MARCKS: variants seen among roughly 807,000 people sequenced by gnomAD.
The protein encoded by MARCKS is myristoylated alanine rich protein kinase C substrate.
Under a neutral mutation model 6.3 loss-of-function variants are expected in MARCKS, and 4 were observed. That is an observed-to-expected ratio of 0.63 (90% CI 0.31 to 1.45). The LOEUF is 1.45. Among genes scored for constraint, MARCKS ranks in the 40% most tolerant of loss-of-function variants. MARCKS has a pLI of 0.07. For synonymous variants in MARCKS, 289 were observed against 236.5 expected, an observed-to-expected ratio of 1.22 and a Z score of -2.04; for missense variants, 636 against 485.7, an observed-to-expected ratio of 1.31 and a Z score of -2.91.
Position 113,862,104 on chromosome 6 carries a change from T to C in MARCKS, c.*1525T>C, listed in dbSNP as rs1184030885. On this transcript the variant is annotated 3_prime_UTR_variant, in exon 2 of 2. Transcript: ENST00000612661. ...TAAATCATTTACAACAAAAGGGGTG[T>C]GAACCTAAGACTATTTAAATGTCTT... 4 of 152,178 alleles carry C rather than the reference T, an allele frequency of 2.6e-5. No homozygotes were observed. The highest frequency in any genetic ancestry group is 2.6e-4 in the Admixed American group (4 of 15,272). The allele number at this position is 152,178 out of a possible 1,614,324, so 9.4% of individuals were successfully genotyped here.
rs772900155 is a variant in MARCKS, at chr6:113,859,994, C to G, written c.414C>G (p.Ala138=). The change falls in exon 2 of 2, where the codon GCC becomes GCG. Residue 138 remains alanine (A), a synonymous_variant. Coordinates refer to ENST00000612661, the MANE Select transcript of MARCKS (RefSeq NM_002356.7). The part of the protein sequence containing the change: ...SAASSTSSPK[A]EDGATPSPSN... ...CCTCCTCGACTTCTTCGCCCAAGGC[C>G]GAGGACGGGGCCACGCCCTCGCCCA... The G allele has an allele frequency of 4.4e-5, 68 of 1,558,902 alleles. No individual in the cohort carries two copies. The highest frequency in any genetic ancestry group is 5.7e-5 in the South Asian group (5 of 88,042).
rs1452713281 is a variant in MARCKS at position 113,859,881 on chromosome 6, A to G, written c.301A>G (p.Ser101Gly). 1.4e-6 allele frequency: 2 copies of G among 1,412,704 alleles called. No homozygotes were observed. The highest frequency in any genetic ancestry group is 1.5e-5 in the African/African-American group (1 of 65,544). 87.5% of individuals were successfully genotyped at this position (1,412,704 alleles called of 1,614,324 possible). A position where few individuals can be genotyped will look rare whatever the true frequency, so the allele number is the denominator to read the frequency against. ...AAAAAPEAGA[S>G]PVEKEAPAEG... ...CGCCGCTGCCCCCGAGGCCGGGGCCAGCCCGGTAGAGAAGGAGGCCCCCGC... is the reference window on the plus strand; with the variant it reads ...CGCCGCTGCCCCCGAGGCCGGGGCCGGCCCGGTAGAGAAGGAGGCCCCCGC... Residue 101 changes from serine (S) to glycine (G), a missense_variant, in exon 2 of 2, where the codon AGC becomes GGC. Coordinates refer to ENST00000612661, the MANE Select transcript of MARCKS (RefSeq NM_002356.7).
chr6:113,859,377 G>A (rs2114520724), intron 1 of MARCKS, among the ~76,000 whole-genome samples: 1 of 152,342 alleles, frequency 6.6e-6, no homozygotes, highest in East Asian at 1.9e-4. Flanking sequence ...GGCATGGTTA[G>A]CCTTTGCTTG....
In MARCKS at chr6:113,862,526, C is replaced by T. The variant is rs1424466536; in HGVS notation, c.*1947C>T. On this transcript the variant is annotated 3_prime_UTR_variant, in exon 2 of 2. Transcript: ENST00000612661. ...AATCTTTACTAGTTTACCTCCTCTG[C>T]TCTTTGCCACCCGATAACTGGATAT... 6.6e-6 allele frequency: 1 copy of T among 151,352 alleles called. No homozygotes were observed. Among genetic ancestry groups the T allele is most frequent in the Non-Finnish European group, 1.5e-5 (1 of 67,880 alleles). 9.4% of individuals were successfully genotyped at this position (151,352 alleles called of 1,614,324 possible).
chr6:113,857,499 A>C lies in MARCKS; in HGVS notation c.-247A>C. ...TCCTTTTTTTGTGCTCGACTTTTCC[A>C]CCCTTTTTCCCTCCCTCCTGTGCTG... On this transcript the variant is annotated 5_prime_UTR_variant, in exon 1 of 2. Transcript: ENST00000612661. The C allele has an allele frequency of 2.2e-6, 1 of 458,672 alleles. No homozygotes were observed. Among genetic ancestry groups the C allele is most frequent in the Non-Finnish European group, 3.8e-6 (1 of 260,574 alleles). 28.4% of individuals were successfully genotyped at this position (458,672 alleles called of 1,614,324 possible).
rs1161751245 is a variant in MARCKS, at chr6:113,857,561, C to T, written c.-185C>T. On this transcript the variant is annotated 5_prime_UTR_variant, in exon 1 of 2. Transcript: ENST00000612661. ...TCTCTTCGACTAAAATTTTTTTATCCGGAGTGTATTTAATCGGTTCTGTTC... is the reference window on the plus strand; with the variant it reads ...TCTCTTCGACTAAAATTTTTTTATCTGGAGTGTATTTAATCGGTTCTGTTC... The T allele has an allele frequency of 3.6e-6, 2 of 556,770 alleles. No individual in the cohort carries two copies. Among genetic ancestry groups the T allele is most frequent in the South Asian group, 2.0e-5 (1 of 50,530 alleles). The allele number at this position is 556,770 out of a possible 1,614,324, so 34.5% of individuals were successfully genotyped here. A position where few individuals can be genotyped will look rare whatever the true frequency, so the allele number is the denominator to read the frequency against.
rs1312246618 is a variant in MARCKS, at chr6:113,860,269, C to T, written c.689C>T (p.Ala230Val). The T allele has an allele frequency of 7.7e-6, 9 of 1,176,130 alleles. No homozygotes were observed. Among genetic ancestry groups the T allele is most frequent in the Middle Eastern group, 3.8e-4 (1 of 2,622 alleles). The allele number at this position is 1,176,130 out of a possible 1,614,324, so 72.9% of individuals were successfully genotyped here. ...EEAAAGEEGA[A>V]GGDPQEAKPQ... ...GCGGCAGCGGGCGAGGAGGGGGCGG[C>T]GGGTGGCGACCCGCAGGAGGCCAAG... is the stretch of plus-strand genomic sequence containing the variant. Residue 230 changes from alanine (A) to valine (V), a missense_variant, in exon 2 of 2, where the codon GCG (alanine) becomes GTG (valine). Ala to Val is a moderately conservative substitution (Grantham distance 64). Transcript: ENST00000612661.
chr6:113,860,279 C>A lies in MARCKS; in HGVS notation c.699C>A (p.Asp233Glu). Residue 233 changes from aspartate (D) to glutamate (E), a missense_variant, in exon 2 of 2, where the codon GAC becomes GAA. Coordinates refer to ENST00000612661, the MANE Select transcript of MARCKS (RefSeq NM_002356.7). ...AAGEEGAAGG[D>E]PQEAKPQEAA... ...GCGAGGAGGGGGCGGCGGGTGGCGA[C>A]CCGCAGGAGGCCAAGCCCCAGGAGG... is the stretch of plus-strand genomic sequence containing the variant. 8.2e-7 allele frequency: 1 copy of A among 1,215,218 alleles called. No individual in the cohort carries two copies. The highest frequency in any genetic ancestry group is 1.0e-6 in the Non-Finnish European group (1 of 955,826). 75.3% of individuals were successfully genotyped at this position (1,215,218 alleles called of 1,614,324 possible).
rs1421152493 is a variant in MARCKS, at chr6:113,861,072, G to A, written c.*493G>A. The stretch of plus-strand genomic sequence containing the variant: ...TGCCACTAGAAATGGTGTAAAGGCT[G>A]TCTTTTTTTTTTTTTTAAAAGAAAA... On this transcript the variant is annotated 3_prime_UTR_variant, in exon 2 of 2. Transcript: ENST00000612661. 1.1e-5 allele frequency: 1 copy of A among 89,012 alleles called. No homozygotes were observed. The highest frequency in any genetic ancestry group is 2.4e-5 in the Non-Finnish European group (1 of 41,920). The allele number at this position is 89,012 out of a possible 1,614,324, so 5.5% of individuals were successfully genotyped here. A position where few individuals can be genotyped will look rare whatever the true frequency, so the allele number is the denominator to read the frequency against.
Position 113,860,228 on chromosome 6 carries a change from G to A in MARCKS, c.648G>A (p.Ala216=), listed in dbSNP as rs1774869486. ...EAGAASGEQA[A]APGEEAAAGE... ...GCGCGGCCTCCGGGGAGCAGGCAGC[G>A]GCGCCGGGCGAGGAGGCGGCAGCGG... The change falls in exon 2 of 2, where the codon GCG becomes GCA. Residue 216 remains alanine, a synonymous_variant. Transcript: ENST00000612661. 11 of 1,074,596 alleles carry A rather than the reference G, an allele frequency of 1.0e-5. No individual in the cohort carries two copies. The highest frequency in any genetic ancestry group is 1.2e-5 in the Non-Finnish European group (11 of 883,504). The allele number at this position is 1,074,596 out of a possible 1,614,324, so 66.6% of individuals were successfully genotyped here.
rs988120249 is a variant in MARCKS at position 113,857,837 on chromosome 6, C to G, written c.92C>G (p.Ala31Gly). The G allele has an allele frequency of 1.2e-6, 2 of 1,600,422 alleles. No individual in the cohort carries two copies. Among genetic ancestry groups the G allele is most frequent in the Non-Finnish European group, 1.7e-6 (2 of 1,173,904 alleles). ...GCTGTGGCCTCGTCGCCTTCCAAAGCGAACGGACAGGTAAATTCTACCTGT... is the reference window on the plus strand; with the variant it reads ...GCTGTGGCCTCGTCGCCTTCCAAAGGGAACGGACAGGTAAATTCTACCTGT... ...EAAVASSPSK[A>G]NGQENGHVKV... Residue 31 changes from alanine (A) to glycine (G), a missense_variant, in exon 1 of 2, where the codon GCG becomes GGG. By Grantham distance (60) the Ala-to-Gly change is moderately conservative (BLOSUM62 0). Coordinates refer to ENST00000612661, the MANE Select transcript of MARCKS (RefSeq NM_002356.7).
chr6:113,858,785 T>G (rs999758871), intron 1 of MARCKS, among the ~76,000 whole-genome samples: 1 of 152,216 alleles, frequency 6.6e-6, no homozygotes, highest in African/African-American at 2.4e-5. Context: ...AAGCGAGGTC[T>G]GCCAAGAGGC....
intron 1 of MARCKS, among the ~76,000 whole-genome samples, chr6:113,858,302 A>G: frequency 6.8e-6 from 1 of 146,948 alleles, no homozygotes; most frequent in African/African-American, 2.6e-5. Context: ...CGCAATGGGG[A>G]TGGTGGTGGA....
chr6:113,860,017 C>T lies in MARCKS; in HGVS notation c.437C>T (p.Pro146Leu). Residue 146 changes from proline (P) to leucine (L), a missense_variant, in exon 2 of 2, where the codon CCC becomes CTC. Transcript: ENST00000612661. ...GCCGAGGACGGGGCCACGCCCTCGC[C>T]CAGCAACGAGACCCCGAAAAAAAAA... The part of the protein sequence containing the change: ...PKAEDGATPS[P>L]SNETPKKKKK... The T allele has an allele frequency of 6.4e-7, 1 of 1,570,274 alleles. No homozygotes were observed. Among genetic ancestry groups the T allele is most frequent in the Non-Finnish European group, 8.6e-7 (1 of 1,162,886 alleles).
rs1274792006 is a variant in MARCKS, at chr6:113,861,619, G to A, written c.*1040G>A. The A allele has an allele frequency of 1.3e-5, 2 of 152,572 alleles. No homozygotes were observed. The highest frequency in any genetic ancestry group is 6.5e-5 in the Admixed American group (1 of 15,288). The allele number at this position is 152,572 out of a possible 1,614,324, so 9.5% of individuals were successfully genotyped here. On this transcript the variant is annotated 3_prime_UTR_variant, in exon 2 of 2. Transcript: ENST00000612661. ...GAGAATAAAGGAAAAAAAATCTTCA[G>A]ATGCAATGGTTTTGTGTAGCATCTT...
rs998415102 is a variant in MARCKS at position 113,860,440 on chromosome 6, C to G, written c.860C>G (p.Pro287Arg). 2.5e-6 allele frequency: 3 copies of G among 1,189,286 alleles called. No individual in the cohort carries two copies. In the African/African-American group the frequency reaches 5.0e-5, roughly 20 times the overall value. 73.7% of individuals were successfully genotyped at this position (1,189,286 alleles called of 1,614,324 possible). A position where few individuals can be genotyped will look rare whatever the true frequency, so the allele number is the denominator to read the frequency against. Reference sequence around the variant, plus strand: ...TGCGAGGCCCCCTCCGCCGCCGGGCCCGGCGCGCCCCCGGAGCAGGAGGCA... The same window carrying G: ...TGCGAGGCCCCCTCCGCCGCCGGGCGCGGCGCGCCCCCGGAGCAGGAGGCA... ...AACEAPSAAG[P>R]GAPPEQEAAP... Residue 287 changes from proline to arginine, a missense_variant, in exon 2 of 2, where the codon CCC becomes CGC. Transcript: ENST00000612661.
rs3832411 is a variant in MARCKS at position 113,857,652 on chromosome 6, C to CGCT, written c.-81_-79dup. ...GTGCCGCTGCCGCTGTTGCCGCCGC[C>CGCT]GCTGCTGCTGCTGCTCGCCCCGTCG... On this transcript the variant is annotated 5_prime_UTR_variant, in exon 1 of 2. Coordinates refer to ENST00000612661, the MANE Select transcript of MARCKS (RefSeq NM_002356.7). 3.4e-5 allele frequency: 23 copies of CGCT among 684,460 alleles called. No individual in the cohort carries two copies. In the Middle Eastern group the frequency reaches 1.3e-3, roughly 39 times the overall value. 42.4% of individuals were successfully genotyped at this position (684,460 alleles called of 1,614,324 possible).
chr6:113,860,621 C>A lies in MARCKS; in HGVS notation c.*42C>A. The stretch of plus-strand genomic sequence containing the variant: ...GAGATAATCGAAGAACTTTTCTCCC[C>A]CGTTTGTTTGTTGGAGTGGTGCCAG... On this transcript the variant is annotated 3_prime_UTR_variant, in exon 2 of 2. Transcript: ENST00000612661. 1 of 1,450,684 alleles carries A rather than the reference C, an allele frequency of 6.9e-7. No homozygotes were observed. Among genetic ancestry groups the A allele is most frequent in the South Asian group, 1.4e-5 (1 of 72,362 alleles). 89.9% of individuals were successfully genotyped at this position (1,450,684 alleles called of 1,614,324 possible).
chr6:113,859,916 G>T lies in MARCKS; in HGVS notation c.336G>T (p.Glu112Asp). The T allele has an allele frequency of 2.1e-6, 3 of 1,459,468 alleles. No individual in the cohort carries two copies. The African/African-American group carries it at 4.4e-5, about 22-fold the overall frequency. The allele number at this position is 1,459,468 out of a possible 1,614,324, so 90.4% of individuals were successfully genotyped here. ...AGAAGGAGGCCCCCGCGGAAGGCGA[G>T]GCTGCCGAGCCCGGCTCGCCCACGG... ...PVEKEAPAEG[E>D]AAEPGSPTAA... Residue 112 changes from glutamate to aspartate, a missense_variant, in exon 2 of 2, where the codon GAG becomes GAT. Physicochemically the swap from Glu to Asp is conservative, Grantham distance 45. Coordinates refer to ENST00000612661, the MANE Select transcript of MARCKS (RefSeq NM_002356.7).
Sources: gnomAD v4.1 joint callset for allele counts (sites outside exome capture counted in the v4.1 genomes callset) on GRCh38, gnomAD v4.1.1 for gene constraint, MANE v1.5 for transcripts, NCBI Gene and HGNC (gene_info 2026-07-23, HGNC 2026-07-21) for gene names.